The following MOK variants were observed in gnomAD, a reference collection of about 807,000 sequenced individuals.
The protein encoded by MOK is MOK protein kinase.
A neutral mutation model predicts 54.2 loss-of-function variants in MOK; 59 were observed. The ratio of observed to expected loss-of-function variants is 1.09; its 90% CI spans 0.88 to 1.35. The LOEUF is 1.35. MOK is among the 40% of genes most tolerant of loss of function. The pLI, the probability that MOK is intolerant of heterozygous loss-of-function variation, is 0.00. For missense variants in MOK, 517 were observed against 526.2 expected, an observed-to-expected ratio of 0.98 and a Z score of 0.17; for synonymous variants, 210 against 202.7, an observed-to-expected ratio of 1.04 and a Z score of -0.31.
intron 1 of MOK, among the ~76,000 whole-genome samples, chr14:102,301,581 T>G (rs889923465): frequency 6.6e-6 from 1 of 152,214 alleles, no homozygotes; most frequent in African/African-American, 2.4e-5. Flanking sequence ...CATTACTCAC[T>G]TTTCCTGATC....
chr14:102,229,615 C>A lies in MOK; in HGVS notation c.1024G>T (p.Gly342Ter), dbSNP rs1390722946. The A allele has an allele frequency of 6.2e-7, 1 of 1,614,112 alleles. No homozygotes were observed. The highest frequency in any genetic ancestry group is 1.7e-5 in the Admixed American group (1 of 60,026). The change falls in exon 11 of 12, where the codon GGA (glycine) becomes TGA (stop). Residue 342 changes from glycine (G) to a stop codon, truncating the protein, a stop_gained. Transcript: ENST00000361847. LOFTEE classifies it high-confidence loss of function. Reference protein sequence around the residue: ...KQEEDRPKRRGPAYVMELPKL... With the variant: ...KQEEDRPKRR ...GGCAGTTCCATGACATAGGCCGGTC[C>A]TCGTCTCTTGGGACGGTCCTCCTCT...
At chr14:102,296,918 C>T (rs184667679) in intron 1 of MOK, among the ~76,000 whole-genome samples, 4 of 151,930 alleles carry the variant, frequency 2.6e-5, no homozygotes, top group East Asian at 1.9e-4. Context: ...ATTACCCAGG[C>T]GTGGTGGCAG....
intron 1 of MOK, among the ~76,000 whole-genome samples, chr14:102,293,707 A>AAAAAAAAAAAAAAAAAAAAG: frequency 6.9e-6 from 1 of 145,712 alleles, no homozygotes; most frequent in South Asian, 2.1e-4. Flanking sequence ...ATCACAAAAA[A>AAAAAAAAAAAAAAAAAAAAG]AAAAAAAAAA....
In MOK at chr14:102,230,034, G is replaced by T. The variant is rs192862581; in HGVS notation, c.982-377C>A. 4.6e-6 allele frequency: 1 copy of T among 218,886 alleles called. No individual in the cohort carries two copies. Among genetic ancestry groups the T allele is most frequent in the Admixed American group, 5.1e-5 (1 of 19,516 alleles). 13.6% of individuals were successfully genotyped at this position (218,886 alleles called of 1,614,324 possible). On this transcript the variant is annotated intron_variant, in intron 10 of 11. Coordinates refer to ENST00000361847, the MANE Select transcript of MOK (RefSeq NM_014226.3). This position sits in a 1 kb window ranked among gnomAD's most constrained non-coding sequence, Gnocchi z 4.1. ...AGCTAAGGATGGTTTTACATTTGGG[G>T]TTTTTTGTTTGTTTGTTTGTTTTGA...
downstream of MOK, chr14:102,224,361 T>G (rs1291503502): frequency 1.4e-5 from 5 of 345,934 alleles, no homozygotes; most frequent in Admixed American, 2.0e-4. Flanking sequence ...TTTTCTTACT[T>G]GGTTGAAACC....
intron 4 of MOK, among the ~76,000 whole-genome samples, chr14:102,257,997 C>G (rs2067108705): frequency 6.6e-6 from 1 of 151,500 alleles, no homozygotes. Context: ...AAAAAGAATA[C>G]CTGTTTAGAA....
intron 2 of MOK, among the ~76,000 whole-genome samples, chr14:102,274,057 A>C (rs1429178170): frequency 6.6e-6 from 1 of 151,296 alleles, no homozygotes; most frequent in Non-Finnish European, 1.5e-5. Context: ...TCCTGGGTTC[A>C]CTCCATTCTC....
At chr14:102,266,928 T>C (rs1262936734) in intron 2 of MOK, among the ~76,000 whole-genome samples, 1 of 152,220 alleles carries the variant, frequency 6.6e-6, no homozygotes, top group Admixed American at 6.5e-5. Context: ...TCTTGGCAGG[T>C]GTGCCTTATT....
At chr14:102,228,515 T>C (rs1321801955), downstream of MOK, among the ~76,000 whole-genome samples, 1 of 151,944 alleles carries the variant, frequency 6.6e-6, no homozygotes, top group Non-Finnish European at 1.5e-5. Context: ...CTGACCAACA[T>C]GGAGAAACCC....
At position 102,250,835 on chromosome 14, in the gene MOK, G is replaced by A; in HGVS notation, c.567C>T (p.Gly189=). ...ACCTGGCGATCTCGTAGAACACACA[G>A]CCGGCGCTCCACAGGTCCATCTTGT... ...YTYKMDLWSA[G]CVFYEIASLQ... Residue 189 remains glycine, a synonymous_variant, in exon 7 of 12, where the codon GGC becomes GGT. Coordinates refer to ENST00000361847, the MANE Select transcript of MOK (RefSeq NM_014226.3). 1 of 1,614,052 alleles carries A rather than the reference G, an allele frequency of 6.2e-7. No homozygotes were observed. The highest frequency in any genetic ancestry group is 8.5e-7 in the Non-Finnish European group (1 of 1,179,992).
rs2065650661 is a variant in MOK, at chr14:102,240,752, T to C, written c.591-6963A>G. On this transcript the variant is annotated intron_variant, in intron 7 of 11. Transcript: ENST00000361847. This position sits in a 1 kb window ranked among gnomAD's most constrained non-coding sequence, Gnocchi z 5.4. ...CACATTCCCTTGGTGGCAAGTCAAC[T>C]GCGGGGATGCCTGCTTTGGCTGCTC... 1 of 152,264 alleles carries C rather than the reference T, an allele frequency of 6.6e-6. No individual in the cohort carries two copies. The highest frequency in any genetic ancestry group is 6.5e-5 in the Admixed American group (1 of 15,268). 9.4% of individuals were successfully genotyped at this position (152,264 alleles called of 1,614,324 possible). A position where few individuals can be genotyped will look rare whatever the true frequency, so the allele number is the denominator to read the frequency against.
rs3818665 is a variant in MOK, at chr14:102,233,801, G to C, written c.591-12C>G. 5.8e-3 allele frequency: 9,327 copies of C among 1,596,590 alleles called. 196 individuals carry two copies. Among genetic ancestry groups the C allele is most frequent in the Admixed American group, 0.051 (3,052 of 59,986 alleles). On this transcript the variant is annotated splice_polypyrimidine_tract_variant and intron_variant, in intron 7 of 11. Transcript: ENST00000361847. ...AGAGGGGCTGCAGACTGGAAGGGCA[G>C]AAGGGGCACTGTGGTCAGTGTTAGG...
intron 1 of MOK, among the ~76,000 whole-genome samples, chr14:102,294,609 A>G (rs1431767976): frequency 6.6e-6 from 1 of 151,898 alleles, no homozygotes; most frequent in Non-Finnish European, 1.5e-5. Flanking sequence ...ACAGCGAGAG[A>G]CCTTGTCTCA....
the MOK span, among the ~76,000 whole-genome samples, chr14:102,216,356 G>A: frequency 2.6e-5 from 4 of 152,206 alleles, no homozygotes; most frequent in East Asian, 3.9e-4. Context: ...TCTGTTGCCC[G>A]AACATGGCTC....
chr14:102,220,855 A>G (rs2063809203), downstream of MOK, among the ~76,000 whole-genome samples: 2 of 151,766 alleles, frequency 1.3e-5, no homozygotes, highest in Non-Finnish European at 1.5e-5. The surrounding 1 kb of genome is among the most constrained non-coding windows in gnomAD (Gnocchi z 4.2). Flanking sequence ...TGCACCCTGC[A>G]TCTCCTGGGC....
intron 1 of MOK, among the ~76,000 whole-genome samples, chr14:102,284,290 C>G (rs2069786298): frequency 6.6e-6 from 1 of 151,920 alleles, no homozygotes; most frequent in East Asian, 1.9e-4. Context: ...GGTCAGGTGG[C>G]AAAATGCTAG....
chr14:102,289,031 T>C (rs1042078632), intron 1 of MOK, among the ~76,000 whole-genome samples: 4 of 152,064 alleles, frequency 2.6e-5, no homozygotes, highest in Non-Finnish European at 1.5e-5. Context: ...GCCTTCTGAG[T>C]AGCTGGGACT....
rs190510239 is a variant in MOK, at chr14:102,278,179, C to T, written c.122+5299G>A. On this transcript the variant is annotated intron_variant, in intron 2 of 11. Transcript: ENST00000361847. ...TCTTAATCTTGTACTTATCACCCTC[C>T]AGAACTGTAAGAAATAAATGTCTGC... 3.3e-4 allele frequency among the ~76,000 whole-genome samples: 50 copies of T among 152,188 alleles called. 1 individual carries two copies. The highest frequency in any genetic ancestry group is 9.4e-4 in the African/African-American group (39 of 41,528).
At chr14:102,283,626 T>C in intron 1 of MOK, 34 bp from the exon 2 acceptor site, 1 of 1,350,986 alleles carries the variant, frequency 7.4e-7, no homozygotes, top group Non-Finnish European at 1.0e-6. Flanking sequence ...AATAAAATGT[T>C]ATTTATGCAT....
Sources: allele counts gnomAD v4.1 joint callset (sites outside exome capture counted in the v4.1 genomes callset), GRCh38; gene constraint gnomAD v4.1.1; non-coding constraint Gnocchi (gnomAD v3.1); transcripts MANE v1.5; gene names NCBI Gene and HGNC (gene_info 2026-07-23, HGNC 2026-07-21).